ARHGAP11A: variants seen among roughly 807,000 people sequenced by gnomAD.
ARHGAP11A encodes the protein Rho GTPase activating protein 11A.
ARHGAP11A carries 36 observed loss-of-function variants against 60.5 expected under a neutral mutation model. The observed-to-expected ratio is 0.59, with a 90% CI of 0.46 to 0.79. The LOEUF is 0.79. Ranked by LOEUF, ARHGAP11A falls within the 30% of genes least tolerant of loss-of-function variation. ARHGAP11A has a pLI of 0.00. For missense variants in ARHGAP11A, 1,071 were observed against 1,199.2 expected (o/e 0.89, Z 1.58); for synonymous variants, 362 against 415.5 (o/e 0.87, Z 1.57).
chr15:32,633,168 TA>T, intron 9 of ARHGAP11A, 60 bp downstream of exon 9: 1 of 1,564,652 alleles, frequency 6.4e-7, no homozygotes, highest in Non-Finnish European at 8.7e-7. Context: ...ACATAATTAA[TA>T]AAATGTTTTG....
chr15:32,624,153 G>A lies in ARHGAP11A; in HGVS notation c.298-20G>A. 1 of 1,609,730 alleles carries A rather than the reference G, an allele frequency of 6.2e-7. No individual in the cohort carries two copies. The highest frequency in any genetic ancestry group is 8.5e-7 in the Non-Finnish European group (1 of 1,177,588). ...ACTCTTAAGTTGCCAAAATACTCAA[G>A]ATTATTATATTTATTTCAGAATAAA... On this transcript the variant is annotated intron_variant, in intron 3 of 11. Coordinates refer to ENST00000361627, the MANE Select transcript of ARHGAP11A (RefSeq NM_014783.6).
chr15:32,629,975 T>TGTGTGTGTGTGTGTGTG (rs59288058), intron 8 of ARHGAP11A, among the ~76,000 whole-genome samples: 1 of 129,038 alleles, frequency 7.7e-6, no homozygotes, highest in Non-Finnish European at 1.6e-5. Flanking sequence ...TGTGTGTGTG[T>TGTGTGTGTGTGTGTGTG]TATGACAACA....
intron 2 of ARHGAP11A, among the ~76,000 whole-genome samples, chr15:32,620,732 A>C (rs1259387909): frequency 6.6e-6 from 1 of 152,132 alleles, no homozygotes; most frequent in Non-Finnish European, 1.5e-5. Context: ...TAATATACTG[A>C]CTTACCAATT....
rs746678098 is a variant in ARHGAP11A at position 32,636,529 on chromosome 15, G to A, written c.1756G>A (p.Gly586Arg). 46 of 1,614,088 alleles carry A rather than the reference G, an allele frequency of 2.8e-5. No individual in the cohort carries two copies. Among genetic ancestry groups the A allele is most frequent in the Non-Finnish European group, 3.7e-5 (44 of 1,179,988 alleles). The change falls in exon 12 of 12, where the codon GGG becomes AGG. Residue 586 changes from glycine (G) to arginine (R), a missense_variant. This residue lies in a region of ARHGAP11A where 776 missense variants were observed against 760.2 expected (regional missense o/e 1.02). Coordinates refer to ENST00000361627, the MANE Select transcript of ARHGAP11A (RefSeq NM_014783.6). ...NSNITSSPLS[G>R]DENNMTKETL... is the part of the protein sequence containing the mutation. ...CAACATAACAAGTAGCCCTCTTAGC[G>A]GGGATGAAAATAACATGACCAAAGA...
rs1428605376 is a variant in ARHGAP11A, at chr15:32,637,366, G to T, written c.2593G>T (p.Asp865Tyr). The T allele has an allele frequency of 6.2e-7, 1 of 1,614,166 alleles. No individual in the cohort carries two copies. ...AGGGCATAAGTTGGCGAGTCTTGGT[G>T]ATACAGCTTCTCCTTTGGTCAAATC... ...PTGHKLASLG[D>Y]TASPLVKSVS... The change falls in exon 12 of 12, where the codon GAT (aspartate) becomes TAT (tyrosine). Residue 865 changes from aspartate (D) to tyrosine (Y), a missense_variant. Transcript: ENST00000361627.
At position 32,623,585 on chromosome 15, in the gene ARHGAP11A, A is replaced by G. The variant is rs376001219; in HGVS notation, c.294A>G (p.Leu98=). The change falls in exon 3 of 12, where the codon CTA becomes CTG. Residue 98 remains leucine, a synonymous_variant. Transcript: ENST00000361627. ...KSGSVIRLKA[L]KNKVDHGEGC... ...GATCTGTGATTCGCCTAAAAGCACTAAAGGTGAGCATATTGTTGAACTATT... is the reference window on the plus strand; with the variant it reads ...GATCTGTGATTCGCCTAAAAGCACTGAAGGTGAGCATATTGTTGAACTATT... The G allele has an allele frequency of 1.1e-5, 18 of 1,612,398 alleles. No individual in the cohort carries two copies. The African/African-American group carries it at 1.3e-4, about 12-fold the overall frequency.
Position 32,636,918 on chromosome 15 carries a change from A to C in ARHGAP11A, c.2145A>C (p.Gln715His). 12 of 1,613,050 alleles carry C rather than the reference A, an allele frequency of 7.4e-6. No individual in the cohort carries two copies. The highest frequency in any genetic ancestry group is 1.0e-5 in the Non-Finnish European group (12 of 1,179,698). The change falls in exon 12 of 12, where the codon CAA becomes CAC. Residue 715 changes from glutamine to histidine, a missense_variant. Around this residue, in one of 4 missense-constraint regions of ARHGAP11A, gnomAD observed 776 missense variants for 760.2 expected, o/e 1.02. Transcript: ENST00000361627. ...TGCCAAAAGATTATTTAAGCAAGCAAGAATTCTCCAGTGATGAAGAAATAA... is the reference window on the plus strand; with the variant it reads ...TGCCAAAAGATTATTTAAGCAAGCACGAATTCTCCAGTGATGAAGAAATAA... ...SNMPKDYLSKQEFSSDEEIKK... is the reference protein window; with the variant it reads ...SNMPKDYLSKHEFSSDEEIKK...
upstream of ARHGAP11A, chr15:32,615,306 C>T (rs1002355772): frequency 2.0e-4 from 30 of 152,242 alleles, no homozygotes; most frequent in African/African-American, 7.2e-4. Flanking sequence ...CAAAAACTGG[C>T]CTTGAAGGAA....
chr15:32,632,926 C>G, intron 8 of ARHGAP11A, 53 bp from the exon 9 acceptor site: 1 of 1,501,654 alleles, frequency 6.7e-7, no homozygotes, highest in Non-Finnish European at 9.0e-7. Flanking sequence ...CTATTTTATA[C>G]TTTAAAAGGA....
rs766169854 is a variant in ARHGAP11A at position 32,637,284 on chromosome 15, T to G, written c.2511T>G (p.Pro837=). The change falls in exon 12 of 12, where the codon CCT becomes CCG. Residue 837 remains proline (P), a synonymous_variant. Transcript: ENST00000361627. ...CACCTCTTAAGTTTCAGCGTACTCC[T>G]GTTCGTCAGTCCGTCAGAAGAATTA... is the stretch of plus-strand genomic sequence containing the variant. ...VKSPLKFQRT[P]VRQSVRRINS... is the part of the protein sequence containing the mutation. 1 of 1,614,136 alleles carries G rather than the reference T, an allele frequency of 6.2e-7. No individual in the cohort carries two copies. Among genetic ancestry groups the G allele is most frequent in the African/African-American group, 1.3e-5 (1 of 74,954 alleles).
chr15:32,621,268 G>T (rs1202342676), intron 2 of ARHGAP11A, among the ~76,000 whole-genome samples: 2 of 126,526 alleles, frequency 1.6e-5, no homozygotes. Flanking sequence ...TCGGCTCACC[G>T]CAACCTTCAC....
chr15:32,637,906 G>A lies in ARHGAP11A; in HGVS notation c.*61G>A. 1 of 1,354,588 alleles carries A rather than the reference G, an allele frequency of 7.4e-7. No homozygotes were observed. Among genetic ancestry groups the A allele is most frequent in the Non-Finnish European group, 1.0e-6 (1 of 998,968 alleles). The allele number at this position is 1,354,588 out of a possible 1,614,324, so 83.9% of individuals were successfully genotyped here. A position where few individuals can be genotyped will look rare whatever the true frequency, so the allele number is the denominator to read the frequency against. On this transcript the variant is annotated 3_prime_UTR_variant, in exon 12 of 12. Transcript: ENST00000361627. ...AGTGAGTAATTGGTATGACTTGCAG[G>A]ATGATGTACATGTTAGTTTGTAGCT...
Position 32,637,672 on chromosome 15 carries a change from A to G in ARHGAP11A, c.2899A>G (p.Asn967Asp), listed in dbSNP as rs1272730866. ...QVKVPLDDLT[N>D]HDIVKPVVNN... ...TAAGGTTCCCTTGGATGATCTGACT[A>G]ATCATGATATAGTAAAACCAGTTGT... The change falls in exon 12 of 12, where the codon AAT becomes GAT. Residue 967 changes from asparagine to aspartate, a missense_variant. Asn to Asp is a conservative substitution (Grantham distance 23). Around this residue, in one of 4 missense-constraint regions of ARHGAP11A, gnomAD observed 776 missense variants for 760.2 expected, o/e 1.02. Transcript: ENST00000361627. 6.2e-7 allele frequency: 1 copy of G among 1,613,938 alleles called. No individual in the cohort carries two copies. The highest frequency in any genetic ancestry group is 1.3e-5 in the African/African-American group (1 of 74,940).
In ARHGAP11A at chr15:32,636,695, A is replaced by G. The variant is rs1437253953; in HGVS notation, c.1922A>G (p.Glu641Gly). 1.2e-6 allele frequency: 2 copies of G among 1,613,938 alleles called. No individual in the cohort carries two copies. The highest frequency in any genetic ancestry group is 2.2e-5 in the South Asian group (2 of 90,996). The change falls in exon 12 of 12, where the codon GAA (glutamate) becomes GGA (glycine). Residue 641 changes from glutamate to glycine, a missense_variant. This residue lies in a region of ARHGAP11A where 776 missense variants were observed against 760.2 expected (regional missense o/e 1.02). Coordinates refer to ENST00000361627, the MANE Select transcript of ARHGAP11A (RefSeq NM_014783.6). ...TCTTATTTAGAAGATAGCCCAGAGG[A>G]AAATCTATTTGAAACTAATGATTTG... ...EPSYLEDSPE[E>G]NLFETNDLTI... is the part of the protein sequence containing the mutation.
Position 32,629,754 on chromosome 15 carries a change from C to T in ARHGAP11A, c.1097C>T (p.Pro366Leu), listed in dbSNP as rs376873283. 3.1e-5 allele frequency: 50 copies of T among 1,603,870 alleles called. No homozygotes were observed. Among genetic ancestry groups the T allele is most frequent in the Middle Eastern group, 4.0e-4 (2 of 5,058 alleles). Residue 366 changes from proline (P) to leucine (L), a missense_variant, in exon 8 of 12, where the codon CCG becomes CTG. Physicochemically the swap from Pro to Leu is moderately conservative, Grantham distance 98. Transcript: ENST00000361627. ...AATCTCTTCAATAGCAGTTCTACAC[C>T]GGTATCAGGTAGCAAATAGAATTTA... is the stretch of plus-strand genomic sequence containing the variant. The part of the protein sequence containing the change: ...PSNLFNSSST[P>L]VSVHIDTSSE...
At position 32,625,515 on chromosome 15, in the gene ARHGAP11A, G is replaced by C. The variant is rs755978038; in HGVS notation, c.744G>C (p.Lys248Asn). 6.2e-7 allele frequency: 1 copy of C among 1,613,918 alleles called. No individual in the cohort carries two copies. Among genetic ancestry groups the C allele is most frequent in the Non-Finnish European group, 8.5e-7 (1 of 1,179,838 alleles). ...IGRVPDFILE[K>N]IPAMLGIDGL... ...GTGTACCAGATTTTATCCTGGAAAA[G>C]ATACCAGCCATGTTGGGTATTGATG... The change falls in exon 6 of 12, where the codon AAG becomes AAC. Residue 248 changes from lysine (K) to asparagine (N), a missense_variant. Lys to Asn is a moderately conservative substitution (Grantham distance 94). Coordinates refer to ENST00000361627, the MANE Select transcript of ARHGAP11A (RefSeq NM_014783.6).
At chr15:32,619,299 T>G (rs920187974) in intron 1 of ARHGAP11A, among the ~76,000 whole-genome samples, 3 of 152,216 alleles carry the variant, frequency 2.0e-5, no homozygotes, top group Non-Finnish European at 4.4e-5. Flanking sequence ...ATTTACAGGC[T>G]TGAATTTACC....
In ARHGAP11A at chr15:32,637,895, A is replaced by G. The variant is rs1357926217; in HGVS notation, c.*50A>G. 1 of 1,428,402 alleles carries G rather than the reference A, an allele frequency of 7.0e-7. No individual in the cohort carries two copies. Among genetic ancestry groups the G allele is most frequent in the Non-Finnish European group, 9.4e-7 (1 of 1,058,780 alleles). The allele number at this position is 1,428,402 out of a possible 1,614,324, so 88.5% of individuals were successfully genotyped here. A position where few individuals can be genotyped will look rare whatever the true frequency, so the allele number is the denominator to read the frequency against. On this transcript the variant is annotated 3_prime_UTR_variant, in exon 12 of 12. Coordinates refer to ENST00000361627, the MANE Select transcript of ARHGAP11A (RefSeq NM_014783.6). ...AATGTAAATAAAGTGAGTAATTGGT[A>G]TGACTTGCAGGATGATGTACATGTT...
At chr15:32,635,631 T>A (rs541204118) in intron 10 of ARHGAP11A, 146 bp from the exon 11 acceptor site, 1 of 525,902 alleles carries the variant, frequency 1.9e-6, no homozygotes, top group East Asian at 3.4e-5. Flanking sequence ...GGCAAGAATG[T>A]TTGTCATTGT....
Sources: allele counts gnomAD v4.1 joint callset (sites outside exome capture counted in the v4.1 genomes callset), GRCh38; gene constraint gnomAD v4.1.1; regional missense constraint gnomAD v4.1.1; transcripts MANE v1.5; gene names NCBI Gene and HGNC (gene_info 2026-07-23, HGNC 2026-07-21).